Variants in ADRA1B observed in about 807,000 individuals in gnomAD.
ADRA1B encodes the protein alpha-1B adrenergic receptor.
In ADRA1B, 17 loss-of-function variants were observed where a neutral mutation model predicts 17.9. That is an observed-to-expected ratio of 0.95 (90% CI 0.65 to 1.42). The LOEUF is 1.42. ADRA1B is among the 40% of genes most tolerant of loss of function. ADRA1B has a pLI of 0.00. For missense variants in ADRA1B, 681 were observed against 722.1 expected, an observed-to-expected ratio of 0.94 and a Z score of 0.65; for synonymous variants, 366 against 327.6, an observed-to-expected ratio of 1.12 and a Z score of -1.27.
chr5:159,925,918 C>T (rs777091733), intron 1 of ADRA1B, among the ~76,000 whole-genome samples: 2 of 152,184 alleles, frequency 1.3e-5, no homozygotes, highest in African/African-American at 4.8e-5. Context: ...CTGCTCAGGT[C>T]GTGTAGGGTC....
exon 1 of ADRA1B, chr5:159,865,141 A>T (rs1431946205): frequency 2.0e-5 from 3 of 152,234 alleles, no homozygotes; most frequent in Admixed American, 6.5e-5. Flanking sequence ...TGCTGTCAAC[A>T]GTGAAAGAAA....
At position 159,917,316 on chromosome 5, in the gene ADRA1B, C is replaced by A; in HGVS notation, c.411C>A (p.Cys137Ter). 6.2e-7 allele frequency: 1 copy of A among 1,614,048 alleles called. No homozygotes were observed. The highest frequency in any genetic ancestry group is 8.5e-7 in the Non-Finnish European group (1 of 1,180,028). ...LCCTASILSL[C>*]AISIDRYIGV... ...GCACAGCGTCCATTCTGAGCCTGTG[C>A]GCCATCTCCATCGATCGCTACATCG... is the stretch of plus-strand genomic sequence containing the variant. Residue 137 changes from cysteine to a stop codon, truncating the protein, a stop_gained, in exon 1 of 2, where the codon TGC becomes TGA. Transcript: ENST00000306675. LOFTEE classifies it high-confidence loss of function.
chr5:159,988,385 T>C, the ADRA1B span, among the ~76,000 whole-genome samples: 3 of 152,178 alleles, frequency 2.0e-5, no homozygotes, highest in African/African-American at 4.8e-5. Flanking sequence ...AGAGAATCAA[T>C]ATGTTTGTTG....
In ADRA1B at chr5:159,916,865, G is replaced by C. The variant is rs751096947; in HGVS notation, c.-41G>C. On this transcript the variant is annotated 5_prime_UTR_variant, in exon 1 of 2. Coordinates refer to ENST00000306675, the MANE Select transcript of ADRA1B (RefSeq NM_000679.4). ...GAGGAGCCTTCGCCGCAGCCCTTCCGAGCCCAATCATCCCCCTGGCTATGG... is the reference window on the plus strand; with the variant it reads ...GAGGAGCCTTCGCCGCAGCCCTTCCCAGCCCAATCATCCCCCTGGCTATGG... The C allele has an allele frequency of 8.4e-5, 131 of 1,556,034 alleles. 1 individual carries two copies. The highest frequency in any genetic ancestry group is 1.7e-5 in the Non-Finnish European group (20 of 1,147,068).
At chr5:159,869,637 C>T (rs1017373902) in intron 1 of ADRA1B, 3 of 152,222 alleles carry the variant, frequency 2.0e-5, no homozygotes, top group Non-Finnish European at 4.4e-5. Context: ...ATGATTCATT[C>T]ATTTATTCAA....
chr5:159,918,298 G>C (rs1414943928), intron 1 of ADRA1B, among the ~76,000 whole-genome samples: 1 of 152,232 alleles, frequency 6.6e-6, no homozygotes, highest in Non-Finnish European at 1.5e-5. Flanking sequence ...TACACAGAAA[G>C]GCAGCATTCA....
rs149081100 is a variant in ADRA1B at position 159,937,120 on chromosome 5, C to T, written c.949+19266C>T. On this transcript the variant is annotated intron_variant, in intron 1 of 1. Transcript: ENST00000306675. Reference sequence around the variant, plus strand: ...CTGATGCATACTTAAGTTTAAGAACCACCAGCCTAATAAGAACAGACCTGA... The same window carrying T: ...CTGATGCATACTTAAGTTTAAGAACTACCAGCCTAATAAGAACAGACCTGA... Among the ~76,000 whole-genome samples, 1,143 of 152,258 alleles carry T rather than the reference C, an allele frequency of 7.5e-3. 8 individuals carry two copies. The highest frequency in any genetic ancestry group is 0.011 in the Non-Finnish European group (763 of 68,010).
In ADRA1B at chr5:159,951,121, A is replaced by G. The variant is rs560538423; in HGVS notation, c.950-20758A>G. On this transcript the variant is annotated intron_variant, in intron 1 of 1. Transcript: ENST00000306675. ...TCATGCCCATCACGAACATGGGGGC[A>G]TCAGCAGAGGGGGCAGAGATGATGA... 7.1e-5 allele frequency: 53 copies of G among 745,022 alleles called. No individual in the cohort carries two copies. In the African/African-American group the frequency reaches 8.9e-4, roughly 12 times the overall value. 46.2% of individuals were successfully genotyped at this position (745,022 alleles called of 1,614,324 possible).
chr5:159,948,651 TG>T (rs970720531), intron 1 of ADRA1B: 1 of 184,330 alleles, frequency 5.4e-6, no homozygotes, highest in African/African-American at 2.4e-5. Context: ...TGTACTATTT[TG>T]TAACCTGTTC....
intron 1 of ADRA1B, among the ~76,000 whole-genome samples, chr5:159,878,062 G>T (rs150301074): frequency 1.3e-5 from 2 of 152,196 alleles, no homozygotes; most frequent in African/African-American, 4.8e-5. Context: ...GCTTGGTCTT[G>T]TCAGGACTCC....
intron 1 of ADRA1B, among the ~76,000 whole-genome samples, chr5:159,944,951 T>A (rs986056488): frequency 6.6e-6 from 1 of 152,066 alleles, no homozygotes; most frequent in Non-Finnish European, 1.5e-5. Flanking sequence ...TAAATAAGCA[T>A]GTGATATCAG....
At chr5:159,914,058 T>G (rs1230253483), upstream of ADRA1B, among the ~76,000 whole-genome samples, 1 of 152,126 alleles carries the variant, frequency 6.6e-6, no homozygotes, top group Admixed American at 6.5e-5. Flanking sequence ...TACCTCACTC[T>G]CACCCCTACC....
chr5:159,872,882 C>A (rs1753763461), intron 1 of ADRA1B, among the ~76,000 whole-genome samples: 1 of 152,044 alleles, frequency 6.6e-6, no homozygotes, highest in Non-Finnish European at 1.5e-5. Flanking sequence ...AGGTTTTAAG[C>A]CCCACATGCA....
intron 1 of ADRA1B, chr5:159,951,418 T>G (rs527572904): frequency 7.5e-6 from 6 of 795,650 alleles, no homozygotes; most frequent in Admixed American, 6.8e-5. Context: ...CAATATCCAC[T>G]TTACTAGAGT....
At chr5:159,971,243 G>T (rs916708406) in intron 1 of ADRA1B, among the ~76,000 whole-genome samples, 1 of 152,034 alleles carries the variant, frequency 6.6e-6, no homozygotes, top group Non-Finnish European at 1.5e-5. Flanking sequence ...TTGCTGATTT[G>T]TAAGAGTTCC....
At chr5:159,934,881 G>C (rs972902075) in intron 1 of ADRA1B, among the ~76,000 whole-genome samples, 8 of 151,382 alleles carry the variant, frequency 5.3e-5, no homozygotes, top group Admixed American at 1.3e-4. Context: ...TGCTCAGCTT[G>C]CTAAGCCTCA....
chr5:159,888,086 G>T (rs112669990), intron 1 of ADRA1B: 11 of 152,276 alleles, frequency 7.2e-5, no homozygotes, highest in African/African-American at 2.6e-4. Flanking sequence ...CTTGCCCAAG[G>T]TTGCACAGCT....
chr5:159,950,699 A>C lies in ADRA1B; in HGVS notation c.950-21180A>C, dbSNP rs1401282061. ...TCGCCCCAGATGCCCTTGGGGGGAC[A>C]CTCCAATGCTCACTTCACCACCTTC... On this transcript the variant is annotated intron_variant, in intron 1 of 1. Transcript: ENST00000306675. 1.3e-5 allele frequency: 9 copies of C among 701,940 alleles called. No individual in the cohort carries two copies. The Admixed American group carries it at 1.7e-4, about 14-fold the overall frequency. 43.5% of individuals were successfully genotyped at this position (701,940 alleles called of 1,614,324 possible). A position where few individuals can be genotyped will look rare whatever the true frequency, so the allele number is the denominator to read the frequency against.
chr5:159,942,709 T>A (rs550991554), intron 1 of ADRA1B, among the ~76,000 whole-genome samples: 2 of 152,240 alleles, frequency 1.3e-5, no homozygotes, highest in South Asian at 4.1e-4. Context: ...TTGCATATAG[T>A]ATGAAATGTT....
Sources: allele counts gnomAD v4.1 joint callset (sites outside exome capture counted in the v4.1 genomes callset), GRCh38; gene constraint gnomAD v4.1.1; transcripts MANE v1.5; gene names NCBI Gene and HGNC (gene_info 2026-07-23, HGNC 2026-07-21).